The following FANCB variants were observed in gnomAD, a reference collection of about 807,000 sequenced individuals.
The protein encoded by FANCB is FA complementation group B.
Under a neutral mutation model 38.9 loss-of-function variants are expected in FANCB, and 5 were observed. That is an observed-to-expected ratio of 0.13 (90% confidence interval 0.07 to 0.27). The LOEUF is 0.27. Among genes scored for constraint, FANCB ranks in the 10% least tolerant of loss-of-function variants. The pLI is 1.00. For missense variants in FANCB, 573 were observed against 602.7 expected, an observed-to-expected ratio of 0.95 and a Z score of 0.52; for synonymous variants, 236 against 215.4, an observed-to-expected ratio of 1.10 and a Z score of -0.84.
At chrX:14,795,771 G>T in the FANCB span, among the ~76,000 whole-genome samples, 3 of 112,050 alleles carry the variant, frequency 2.7e-5, no homozygotes, top group South Asian at 1.1e-3. Flanking sequence ...ATAAACACAA[G>T]AGAACAGAAT....
the FANCB span, among the ~76,000 whole-genome samples, chrX:14,701,123 G>A: frequency 3.6e-5 from 4 of 110,751 alleles, no homozygotes; most frequent in Non-Finnish European, 7.6e-5. Flanking sequence ...TAAAGAGGGA[G>A]GTGACAGAGT....
chrX:14,784,757 A>G, the FANCB span, among the ~76,000 whole-genome samples: 1 of 112,365 alleles, frequency 8.9e-6, no homozygotes, highest in Non-Finnish European at 1.9e-5. Context: ...AAGACATAGA[A>G]GCAACCCAAA....
At chrX:14,747,213 G>T in the FANCB span, among the ~76,000 whole-genome samples, 1 of 112,390 alleles carries the variant, frequency 8.9e-6, no homozygotes, top group African/African-American at 3.2e-5. Context: ...GGAGAAAAAT[G>T]TTTTCAATAT....
chrX:14,735,755 A>G, the FANCB span, among the ~76,000 whole-genome samples: 1 of 112,580 alleles, frequency 8.9e-6, no homozygotes, highest in African/African-American at 3.2e-5. Context: ...TAGCAGAGCT[A>G]GAGCGCTGTG....
chrX:14,848,412 A>G (rs1043440065), intron 7 of FANCB, among the ~76,000 whole-genome samples: 9 of 110,863 alleles, frequency 8.1e-5, no homozygotes, highest in Non-Finnish European at 3.8e-5. Context: ...ATGGACGCAC[A>G]GGGGGCGCCT....
In FANCB at chrX:14,865,529, T is replaced by C. The variant is rs1003616088; in HGVS notation, c.-19A>G. On this transcript the variant is annotated 5_prime_UTR_variant, in exon 3 of 10. Coordinates refer to ENST00000650831, the MANE Select transcript of FANCB (RefSeq NM_001018113.3). The stretch of plus-strand genomic sequence containing the variant: ...TAGTCATTCCACAATATCAAGTCTT[T>C]GTGCTGATCTAATTTTCAAATGCAA... The C allele has an allele frequency of 9.0e-7, 1 of 1,108,552 alleles. No homozygotes were observed. Among genetic ancestry groups the C allele is most frequent in the African/African-American group, 1.8e-5 (1 of 56,169 alleles). 91.4% of individuals were successfully genotyped at this position (1,108,552 alleles called of 1,213,427 possible).
chrX:14,707,749 GC>G, the FANCB span, among the ~76,000 whole-genome samples: 2 of 78,558 alleles, frequency 2.5e-5, no homozygotes, highest in Non-Finnish European at 5.0e-5. Context: ...TACTTTGACA[GC>G]AAAAAAGGTG....
At chrX:14,770,428 G>T in the FANCB span, among the ~76,000 whole-genome samples, 1 of 111,773 alleles carries the variant, frequency 8.9e-6, no homozygotes, top group African/African-American at 3.3e-5. Context: ...TTGGTTTAAA[G>T]TATGTTTTGT....
Position 14,850,676 on chromosome X carries a change from T to TA in FANCB, c.1327-3dup, listed in dbSNP as rs202067682. ...ACAAAGAGGAACAAGACATTCCTTC[T>TA]AAAAAAAAAAGTTTAAATAACTGAT... On this transcript the variant is annotated splice_polypyrimidine_tract_variant and splice_region_variant and intron_variant, in intron 6 of 9. Transcript: ENST00000650831. The TA allele has an allele frequency of 8.3e-4, 863 of 1,045,956 alleles. No homozygotes were observed. Among genetic ancestry groups the TA allele is most frequent in the South Asian group, 1.6e-3 (76 of 46,920 alleles). 86.2% of individuals were successfully genotyped at this position (1,045,956 alleles called of 1,213,427 possible). A position where few individuals can be genotyped will look rare whatever the true frequency, so the allele number is the denominator to read the frequency against.
downstream of FANCB, chrX:14,835,419 G>A (rs1201960693): frequency 3.0e-5 from 10 of 338,495 alleles, no homozygotes; most frequent in Admixed American, 1.9e-4. Flanking sequence ...ACACCTGGGC[G>A]GGTGATTCTT....
downstream of FANCB, among the ~76,000 whole-genome samples, chrX:14,835,760 G>A (rs2092339581): frequency 1.8e-5 from 2 of 111,807 alleles, no homozygotes; most frequent in African/African-American, 6.5e-5. Context: ...ACTATCAAAA[G>A]AACAGAAAAT....
chrX:14,694,777 A>G, the FANCB span, among the ~76,000 whole-genome samples: 11 of 112,690 alleles, frequency 9.8e-5, no homozygotes, highest in Admixed American at 9.4e-4. Flanking sequence ...CAGCCTTTTG[A>G]TGAAACTTAC....
At chrX:14,842,497 G>A (rs2092357994), downstream of FANCB, among the ~76,000 whole-genome samples, 1 of 111,569 alleles carries the variant, frequency 9.0e-6, no homozygotes, top group South Asian at 3.7e-4. Flanking sequence ...ATTTATTTTG[G>A]CCCATATCCT....
At chrX:14,846,825 T>C (rs1188816514) in intron 7 of FANCB, among the ~76,000 whole-genome samples, 13 of 103,934 alleles carry the variant, frequency 1.3e-4, no homozygotes, top group Admixed American at 5.1e-4. Context: ...AAATATACTT[T>C]GCATGAAAAA....
chrX:14,860,213 T>C (rs972073944), intron 3 of FANCB, among the ~76,000 whole-genome samples: 3 of 111,719 alleles, frequency 2.7e-5, no homozygotes, highest in African/African-American at 9.8e-5. Context: ...AGATACATCA[T>C]CTAGATGATA....
intron 3 of FANCB, 102 bp from the exon 4 acceptor site, chrX:14,859,436 C>T (rs2092437233): frequency 5.2e-6 from 3 of 573,514 alleles, no homozygotes; most frequent in South Asian, 2.9e-5. Context: ...ATTTGTAAAA[C>T]TCAATCTTAT....
At chrX:14,776,099 G>GC in the FANCB span, among the ~76,000 whole-genome samples, 1 of 84,824 alleles carries the variant, frequency 1.2e-5, no homozygotes, top group Non-Finnish European at 2.2e-5. Context: ...TGCCCTGATA[G>GC]CTCTCGAAAT....
At chrX:14,785,767 G>A in the FANCB span, among the ~76,000 whole-genome samples, 1 of 111,569 alleles carries the variant, frequency 9.0e-6, no homozygotes, top group Non-Finnish European at 1.9e-5. Flanking sequence ...GGCTGCAGGA[G>A]ATGAAAGCTT....
the FANCB span, among the ~76,000 whole-genome samples, chrX:14,740,843 C>T: frequency 9.0e-6 from 1 of 111,352 alleles, no homozygotes; most frequent in African/African-American, 3.3e-5. Context: ...AAATTAGCAC[C>T]TCCCAATAAT....
Sources: allele counts gnomAD v4.1 joint callset (sites outside exome capture counted in the v4.1 genomes callset), GRCh38; gene constraint gnomAD v4.1.1; transcripts MANE v1.5; gene names NCBI Gene and HGNC (gene_info 2026-07-23, HGNC 2026-07-21).